TRIM9: variants seen among roughly 807,000 people sequenced by gnomAD.
The protein encoded by TRIM9 is E3 ubiquitin-protein ligase TRIM9.
A neutral mutation model predicts 78.3 loss-of-function variants in TRIM9; 26 were observed. The ratio of observed to expected loss-of-function variants is 0.33; its 90% CI spans 0.24 to 0.46. The LOEUF is 0.46. Ranked by LOEUF, TRIM9 falls within the 20% of genes least tolerant of loss-of-function variation. TRIM9 has a pLI of 1.00. For missense variants in TRIM9, 787 were observed against 1,036.4 expected, an observed-to-expected ratio of 0.76 and a Z score of 3.30; for synonymous variants, 398 against 416.5, an observed-to-expected ratio of 0.96 and a Z score of 0.54.
At chr14:51,058,387 G>C (rs1054599641) in intron 1 of TRIM9, among the ~76,000 whole-genome samples, 5 of 152,230 alleles carry the variant, frequency 3.3e-5, no homozygotes, top group African/African-American at 9.6e-5. Flanking sequence ...GCCTAAATGA[G>C]ATCTAGTAGT....
intron 1 of TRIM9, among the ~76,000 whole-genome samples, chr14:51,088,075 T>C (rs1419708596): frequency 1.3e-5 from 2 of 152,236 alleles, no homozygotes; most frequent in Non-Finnish European, 2.9e-5. Flanking sequence ...ACTTTTAATG[T>C]TTAAAAAATA....
At chr14:51,023,720 G>A (rs754694542) in intron 2 of TRIM9, among the ~76,000 whole-genome samples, 9 of 152,134 alleles carry the variant, frequency 5.9e-5, no homozygotes, top group Non-Finnish European at 1.2e-4. Flanking sequence ...TTAAGGATAA[G>A]CTTTTCAATG....
chr14:50,989,572 G>A (rs2053209166), intron 7 of TRIM9, among the ~76,000 whole-genome samples: 1 of 152,082 alleles, frequency 6.6e-6, no homozygotes, highest in South Asian at 2.1e-4. Flanking sequence ...AGAGAAAAAT[G>A]AGGAGCTCCT....
At chr14:51,058,033 A>G (rs907535040) in intron 1 of TRIM9, among the ~76,000 whole-genome samples, 5 of 152,228 alleles carry the variant, frequency 3.3e-5, no homozygotes, top group Non-Finnish European at 7.3e-5. Flanking sequence ...GATTGAAAAT[A>G]ATGCTTCTAT....
intron 1 of TRIM9, among the ~76,000 whole-genome samples, chr14:51,064,663 G>C (rs1281681892): frequency 6.6e-6 from 1 of 151,236 alleles, no homozygotes; most frequent in African/African-American, 2.4e-5. Flanking sequence ...GAATGGAAGA[G>C]AGGATATCAC....
At chr14:50,981,539 T>C (rs2051901674) in intron 11 of TRIM9, among the ~76,000 whole-genome samples, 1 of 152,202 alleles carries the variant, frequency 6.6e-6, no homozygotes, top group Non-Finnish European at 1.5e-5. Context: ...ATAATGGATA[T>C]CCATTGGGAT....
intron 11 of TRIM9, 137 bp from the exon 12 acceptor site, chr14:50,979,686 T>C (rs1596081956): frequency 5.4e-6 from 4 of 735,172 alleles, no homozygotes; most frequent in East Asian, 4.9e-5. Context: ...TAATCATCCC[T>C]TGCACATAAA....
chr14:51,063,822 A>G (rs1326287984), intron 1 of TRIM9, among the ~76,000 whole-genome samples: 1 of 152,172 alleles, frequency 6.6e-6, no homozygotes, highest in Non-Finnish European at 1.5e-5. Context: ...GATTTATACT[A>G]CAGGAAATGT....
intron 1 of TRIM9, among the ~76,000 whole-genome samples, chr14:51,028,323 G>A (rs2058438626): frequency 6.6e-6 from 1 of 152,192 alleles, no homozygotes; most frequent in Non-Finnish European, 1.5e-5. Flanking sequence ...AGAAATTGAG[G>A]AGACAATGAA....
chr14:50,991,818 C>G (rs1468844596), intron 7 of TRIM9, among the ~76,000 whole-genome samples: 2 of 152,134 alleles, frequency 1.3e-5, no homozygotes, highest in Non-Finnish European at 2.9e-5. Context: ...TCCAGAGAGG[C>G]TAAGGGACAT....
chr14:51,078,220 T>A (rs183028789), intron 1 of TRIM9, among the ~76,000 whole-genome samples: 1 of 152,204 alleles, frequency 6.6e-6, no homozygotes, highest in Non-Finnish European at 1.5e-5. Context: ...AAAAGAACAG[T>A]AGGACAGGAA....
rs1183354288 is a variant in TRIM9, at chr14:51,041,671, G to C, written c.823-16311C>G. Among the ~76,000 whole-genome samples, 4 of 152,094 alleles carry C rather than the reference G, an allele frequency of 2.6e-5. No homozygotes were observed. In the East Asian group the frequency reaches 7.7e-4, roughly 29 times the overall value. The stretch of plus-strand genomic sequence containing the variant: ...ATTATCTATTTCTCTGTTAAGATTA[G>C]GTGCTGCTATTGTACAATAGCACTC... On this transcript the variant is annotated intron_variant, in intron 1 of 12. Transcript: ENST00000684578.
At chr14:51,086,286 A>G (rs1255681335) in intron 1 of TRIM9, among the ~76,000 whole-genome samples, 3 of 152,230 alleles carry the variant, frequency 2.0e-5, no homozygotes, top group African/African-American at 7.2e-5. Context: ...GTGTGACTTC[A>G]TAATCTTCCT....
chr14:51,037,279 T>G (rs910653296), intron 1 of TRIM9, among the ~76,000 whole-genome samples: 2 of 152,208 alleles, frequency 1.3e-5, no homozygotes, highest in African/African-American at 2.4e-5. Flanking sequence ...ATGTATTGCT[T>G]TTAAATATGA....
intron 1 of TRIM9, among the ~76,000 whole-genome samples, chr14:51,058,423 C>T (rs2061062645): frequency 6.6e-6 from 1 of 152,216 alleles, no homozygotes; most frequent in African/African-American, 2.4e-5. Context: ...GATTCAGGTA[C>T]TTGTGAATTG....
intron 7 of TRIM9, chr14:50,997,077 G>C: frequency 6.1e-6 from 6 of 985,408 alleles, no homozygotes; most frequent in Non-Finnish European, 7.2e-6. Flanking sequence ...TCTGCAGAGG[G>C]AAGTTATGGA....
At chr14:51,027,467 C>A (rs926753903) in intron 1 of TRIM9, among the ~76,000 whole-genome samples, 1 of 152,116 alleles carries the variant, frequency 6.6e-6, no homozygotes, top group African/African-American at 2.4e-5. Flanking sequence ...TATTTGTTTT[C>A]TTCATTCTTG....
intron 1 of TRIM9, among the ~76,000 whole-genome samples, chr14:51,070,860 C>T (rs1486606598): frequency 6.6e-6 from 1 of 152,102 alleles, no homozygotes; most frequent in Non-Finnish European, 1.5e-5. Flanking sequence ...TCATCTGGCC[C>T]CTGTAGGCAT....
chr14:51,064,219 G>A (rs2061568024), intron 1 of TRIM9, among the ~76,000 whole-genome samples: 1 of 151,780 alleles, frequency 6.6e-6, no homozygotes. Context: ...ATAATCTCTA[G>A]GGCAGCTAGA....
Sources: allele counts gnomAD v4.1 joint callset (sites outside exome capture counted in the v4.1 genomes callset), GRCh38; gene constraint gnomAD v4.1.1; transcripts MANE v1.5; gene names NCBI Gene and HGNC (gene_info 2026-07-23, HGNC 2026-07-21).